The following SOCS2 variants were observed in gnomAD, a reference collection of about 807,000 sequenced individuals.
The protein encoded by SOCS2 is suppressor of cytokine signaling 2, also known as CIS-2.
A neutral mutation model predicts 18.6 loss-of-function variants in SOCS2; 10 were observed. That is an observed-to-expected ratio of 0.54 (90% CI 0.33 to 0.91). SOCS2 has a LOEUF of 0.91. Among genes scored for constraint, SOCS2 ranks in the 40% least tolerant of loss-of-function variants. The pLI, the probability that SOCS2 is intolerant of heterozygous loss-of-function variation, is 0.02. For missense variants in SOCS2, 231 were observed against 247.2 expected (o/e 0.93, Z 0.44); for synonymous variants, 104 against 104.0 (o/e 1.00, Z 0.00).
At chr12:93,587,407 C>T (rs1430082437), downstream of SOCS2, among the ~76,000 whole-genome samples, 1 of 152,078 alleles carries the variant, frequency 6.6e-6, no homozygotes, top group Non-Finnish European at 1.5e-5. Flanking sequence ...GGTGGCTGGG[C>T]GCAGTGGCTC....
At chr12:93,580,117 T>TG (rs1056974937), downstream of SOCS2, among the ~76,000 whole-genome samples, 1 of 152,180 alleles carries the variant, frequency 6.6e-6, no homozygotes, top group Admixed American at 6.5e-5. Flanking sequence ...GGAGCCCCCT[T>TG]GCCATGGTGG....
At chr12:93,587,697 A>T (rs1954593032), downstream of SOCS2, among the ~76,000 whole-genome samples, 1 of 151,862 alleles carries the variant, frequency 6.6e-6, no homozygotes, top group Non-Finnish European at 1.5e-5. Context: ...AAAAAAAAAA[A>T]AAGTTTGGCT....
downstream of SOCS2, among the ~76,000 whole-genome samples, chr12:93,585,552 C>T (rs552845449): frequency 1.3e-5 from 2 of 152,312 alleles, no homozygotes; most frequent in South Asian, 2.1e-4. Context: ...GTGTAACCAC[C>T]ACATATACCA....
chr12:93,602,333 C>A, the SOCS2 span, among the ~76,000 whole-genome samples: 1 of 152,166 alleles, frequency 6.6e-6, no homozygotes, highest in Non-Finnish European at 1.5e-5. Context: ...TGAGGTCAAA[C>A]AATCCTCCTG....
chr12:93,583,869 A>G (rs938058763), downstream of SOCS2, among the ~76,000 whole-genome samples: 1 of 152,228 alleles, frequency 6.6e-6, no homozygotes, highest in Non-Finnish European at 1.5e-5. Context: ...TTTTATCTCC[A>G]CTTCAGAGAC....
intron 1 of SOCS2, among the ~76,000 whole-genome samples, chr12:93,581,845 C>T (rs1319767312): frequency 2.0e-5 from 3 of 152,160 alleles, no homozygotes; most frequent in African/African-American, 7.2e-5. Context: ...ATTAAACAGT[C>T]TAATATATCC....
chr12:93,603,204 G>T, the SOCS2 span, among the ~76,000 whole-genome samples: 1 of 151,954 alleles, frequency 6.6e-6, no homozygotes, highest in Non-Finnish European at 1.5e-5. Context: ...TTCACAGACC[G>T]TCCTGTGGCA....
chr12:93,594,445 A>G, the SOCS2 span, among the ~76,000 whole-genome samples: 2 of 152,122 alleles, frequency 1.3e-5, no homozygotes, highest in Non-Finnish European at 2.9e-5. Flanking sequence ...TTAAATTTCT[A>G]TTGCCTAACT....
At chr12:93,620,222 T>G in the SOCS2 span, among the ~76,000 whole-genome samples, 1 of 152,218 alleles carries the variant, frequency 6.6e-6, no homozygotes, top group East Asian at 1.9e-4. Flanking sequence ...ATTTTCTCAT[T>G]TAATATTGGA....
the SOCS2 span, among the ~76,000 whole-genome samples, chr12:93,624,783 T>C: frequency 1.3e-5 from 2 of 152,126 alleles, no homozygotes; most frequent in African/African-American, 4.8e-5. Flanking sequence ...CAGGGTAAAA[T>C]AAGTAGAAGT....
chr12:93,624,254 A>G, the SOCS2 span, among the ~76,000 whole-genome samples: 1 of 152,160 alleles, frequency 6.6e-6, no homozygotes, highest in African/African-American at 2.4e-5. Flanking sequence ...TTGACTTTGG[A>G]CTTCCCAGCT....
chr12:93,578,054 A>G (rs537161749), downstream of SOCS2, among the ~76,000 whole-genome samples: 3 of 152,352 alleles, frequency 2.0e-5, no homozygotes, highest in East Asian at 5.8e-4. Flanking sequence ...TGTTCTGGGC[A>G]GAGATGAGGC....
At chr12:93,593,553 A>C in the SOCS2 span, among the ~76,000 whole-genome samples, 1 of 152,230 alleles carries the variant, frequency 6.6e-6, no homozygotes, top group Non-Finnish European at 1.5e-5. Context: ...GTTTCAAAAA[A>C]CATGTGGTTC....
chr12:93,585,932 C>A (rs1954582240), downstream of SOCS2, among the ~76,000 whole-genome samples: 1 of 152,152 alleles, frequency 6.6e-6, no homozygotes, highest in Non-Finnish European at 1.5e-5. Context: ...TACCTTAAAT[C>A]ATCTCTAAAT....
At chr12:93,604,668 A>T in the SOCS2 span, among the ~76,000 whole-genome samples, 1 of 151,968 alleles carries the variant, frequency 6.6e-6, no homozygotes, top group African/African-American at 2.4e-5. Flanking sequence ...TTATTTATTT[A>T]TGTTTTTTTG....
At chr12:93,596,292 A>C in the SOCS2 span, among the ~76,000 whole-genome samples, 1 of 152,256 alleles carries the variant, frequency 6.6e-6, no homozygotes. Context: ...TACATTTTGC[A>C]GATGAAGAAA....
At chr12:93,581,996 G>T (rs1344350074) in intron 1 of SOCS2, among the ~76,000 whole-genome samples, 1 of 152,174 alleles carries the variant, frequency 6.6e-6, no homozygotes, top group African/African-American at 2.4e-5. Context: ...TCAAACCCAG[G>T]TTCTGCATCT....
the SOCS2 span, among the ~76,000 whole-genome samples, chr12:93,596,548 C>T: frequency 2.6e-5 from 4 of 152,148 alleles, no homozygotes; most frequent in Non-Finnish European, 4.4e-5. Context: ...ACTGCAGGGG[C>T]TGGGCACAGT....
At chr12:93,579,122 AC>A (rs1388865485), downstream of SOCS2, among the ~76,000 whole-genome samples, 2 of 152,176 alleles carry the variant, frequency 1.3e-5, no homozygotes, top group African/African-American at 4.8e-5. Context: ...TGTGACACAC[AC>A]CCAGCCACAA....
Sources: allele counts gnomAD v4.1 joint callset (sites outside exome capture counted in the v4.1 genomes callset), GRCh38; gene constraint gnomAD v4.1.1; transcripts MANE v1.5; gene names NCBI Gene and HGNC (gene_info 2026-07-23, HGNC 2026-07-21).